Variants in LRRC69 observed in about 807,000 individuals in gnomAD.
LRRC69 encodes leucine-rich repeat-containing protein 69.
Under a neutral mutation model 37.8 loss-of-function variants are expected in LRRC69, and 42 were observed. The ratio of observed to expected loss-of-function variants is 1.11; its 90% CI spans 0.87 to 1.44. The LOEUF (loss-of-function observed/expected upper bound fraction) is 1.44. Among genes scored for constraint, LRRC69 ranks in the 40% most tolerant of loss-of-function variants. The probability of loss-of-function intolerance (pLI) is 0.00; values close to 1 mark genes in which losing one functional copy is unlikely to be tolerated. For missense variants in LRRC69, 357 were observed against 401.9 expected (o/e 0.89, Z 0.96); for synonymous variants, 141 against 143.1 (o/e 0.99, Z 0.11).
intron 5 of LRRC69, chr8:91,158,271 G>A: frequency 6.5e-7 from 1 of 1,536,960 alleles, no homozygotes; most frequent in Non-Finnish European, 9.0e-7. Flanking sequence ...CTGATTGTTT[G>A]TCGAAGACAT....
intron 7 of LRRC69, among the ~76,000 whole-genome samples, chr8:91,209,889 A>G (rs1809875355): frequency 6.6e-6 from 1 of 152,188 alleles, no homozygotes; most frequent in South Asian, 2.1e-4. Flanking sequence ...TGCTTTTTAC[A>G]TATTTTTTTC....
At chr8:91,217,831 A>G (rs1054274517) in intron 7 of LRRC69, among the ~76,000 whole-genome samples, 2 of 152,184 alleles carry the variant, frequency 1.3e-5, no homozygotes, top group Non-Finnish European at 1.5e-5. Flanking sequence ...TCAGGTTTGT[A>G]GATATTCTAT....
intron 5 of LRRC69, among the ~76,000 whole-genome samples, chr8:91,163,480 T>C (rs1185008058): frequency 6.6e-6 from 1 of 151,536 alleles, no homozygotes; most frequent in Admixed American, 6.6e-5. Context: ...CTTCATCTAA[T>C]GTTCACAAGT....
At chr8:91,181,148 C>T (rs1809317857) in intron 5 of LRRC69, among the ~76,000 whole-genome samples, 1 of 151,432 alleles carries the variant, frequency 6.6e-6, no homozygotes, top group African/African-American at 2.4e-5. Flanking sequence ...AATTAAGATT[C>T]AAGAGTAGAA....
At chr8:91,153,136 T>G (rs1808771069) in intron 5 of LRRC69, among the ~76,000 whole-genome samples, 1 of 151,274 alleles carries the variant, frequency 6.6e-6, no homozygotes, top group African/African-American at 2.4e-5. Flanking sequence ...GGGCAGTATA[T>G]AATGGTAAAG....
At chr8:91,184,770 G>A (rs1355233743) in intron 5 of LRRC69, among the ~76,000 whole-genome samples, 1 of 152,178 alleles carries the variant, frequency 6.6e-6, no homozygotes, top group Non-Finnish European at 1.5e-5. Flanking sequence ...CAAGAAGAGG[G>A]AAATGCAAAG....
At chr8:91,138,230 C>T (rs1243606751) in intron 5 of LRRC69, among the ~76,000 whole-genome samples, 1 of 151,892 alleles carries the variant, frequency 6.6e-6, no homozygotes, top group Non-Finnish European at 1.5e-5. Context: ...TTATAGCAAT[C>T]ATCTACTCTC....
At chr8:91,198,103 T>C (rs1006168172) in intron 6 of LRRC69, among the ~76,000 whole-genome samples, 3 of 152,220 alleles carry the variant, frequency 2.0e-5, no homozygotes, top group African/African-American at 7.2e-5. Context: ...GGTTATGCCT[T>C]GGTAAAGATT....
At chr8:91,144,484 C>G (rs1808582868) in intron 5 of LRRC69, among the ~76,000 whole-genome samples, 1 of 152,044 alleles carries the variant, frequency 6.6e-6, no homozygotes, top group African/African-American at 2.4e-5. Flanking sequence ...TTATTTCTGT[C>G]TTACCCTTTC....
intron 6 of LRRC69, among the ~76,000 whole-genome samples, chr8:91,197,492 G>A (rs964529915): frequency 2.6e-5 from 4 of 152,012 alleles, no homozygotes; most frequent in South Asian, 2.1e-4. Flanking sequence ...AGCAATCAGC[G>A]AGACTCCGTG....
At chr8:91,156,331 G>A (rs1808834746) in intron 5 of LRRC69, among the ~76,000 whole-genome samples, 1 of 150,916 alleles carries the variant, frequency 6.6e-6, no homozygotes, top group Non-Finnish European at 1.5e-5. Flanking sequence ...AGTGATGTTG[G>A]ACCTGTTTTT....
At chr8:91,151,313 A>G (rs185164518) in intron 5 of LRRC69, among the ~76,000 whole-genome samples, 113 of 126,016 alleles carry the variant, frequency 9.0e-4, no homozygotes, top group African/African-American at 3.2e-3. Flanking sequence ...TTCAAAGAAC[A>G]TCTTTATTTC....
intron 1 of LRRC69, among the ~76,000 whole-genome samples, chr8:91,107,196 G>A (rs540958695): frequency 7.3e-5 from 11 of 151,702 alleles, no homozygotes; most frequent in East Asian, 1.9e-4. Flanking sequence ...GTGCAGTGGC[G>A]TGATCTCGGC....
intron 6 of LRRC69, among the ~76,000 whole-genome samples, chr8:91,192,337 T>C (rs1809512869): frequency 6.6e-6 from 1 of 152,088 alleles, no homozygotes; most frequent in Non-Finnish European, 1.5e-5. Flanking sequence ...GCAGCATGAT[T>C]TATAGTCCTT....
rs377430717 is a variant in LRRC69 at position 91,127,127 on chromosome 8, A to G, written c.350A>G (p.Asn117Ser). ...TTAATCCTGCTTAATCTGAACAACA[A>G]TCATCTTACGCAGCTTCCTCAAGAA... Residue 117 changes from asparagine to serine, a missense_variant, in exon 3 of 8, where the codon AAT becomes AGT. By Grantham distance (46) the Asn-to-Ser change is conservative (BLOSUM62 1). Transcript: ENST00000448384. The G allele has an allele frequency of 2.5e-5, 38 of 1,548,736 alleles. No individual in the cohort carries two copies. The Admixed American group carries it at 4.6e-4, about 19-fold the overall frequency.
chr8:91,134,443 C>A (rs1813868793), intron 4 of LRRC69, among the ~76,000 whole-genome samples: 1 of 151,412 alleles, frequency 6.6e-6, no homozygotes, highest in Admixed American at 6.6e-5. Flanking sequence ...GGTCCAAGGG[C>A]AGAAGAAGAA....
At chr8:91,205,927 G>A (rs1017742884) in intron 7 of LRRC69, among the ~76,000 whole-genome samples, 1 of 152,162 alleles carries the variant, frequency 6.6e-6, no homozygotes, top group African/African-American at 2.4e-5. Flanking sequence ...CTATGGAAAT[G>A]TCTTTGTCAA....
At chr8:91,158,430 T>C (rs1808878666) in intron 5 of LRRC69, 2 of 1,365,046 alleles carry the variant, frequency 1.5e-6, no homozygotes, top group Non-Finnish European at 1.0e-6. Flanking sequence ...GAGGAATTCA[T>C]AGAAAGCAAT....
intron 5 of LRRC69, among the ~76,000 whole-genome samples, chr8:91,154,967 G>A (rs528511135): frequency 6.6e-6 from 1 of 151,760 alleles, no homozygotes; most frequent in South Asian, 2.1e-4. Flanking sequence ...CCTATATCCA[G>A]AAAACCCCGT....
Sources: gnomAD v4.1 joint callset for allele counts (sites outside exome capture counted in the v4.1 genomes callset) on GRCh38, gnomAD v4.1.1 for gene constraint, MANE v1.5 for transcripts, NCBI Gene and HGNC (gene_info 2026-07-23, HGNC 2026-07-21) for gene names.